PITPNC1: variants seen among roughly 807,000 people sequenced by gnomAD.
PITPNC1 encodes cytoplasmic phosphatidylinositol transfer protein 1.
A neutral mutation model predicts 44.7 loss-of-function variants in PITPNC1; 18 were observed. That is an observed-to-expected ratio of 0.40 (90% confidence interval 0.28 to 0.60). The LOEUF (loss-of-function observed/expected upper bound fraction) is 0.60. Ranked by LOEUF, PITPNC1 falls within the 20% of genes least tolerant of loss-of-function variation. PITPNC1 has a pLI of 0.39. For missense variants in PITPNC1, 290 were observed against 418.4 expected (o/e 0.69, Z 2.68); for synonymous variants, 141 against 149.6 (o/e 0.94, Z 0.42).
intron 5 of PITPNC1, among the ~76,000 whole-genome samples, chr17:67,616,298 GC>G (rs1290202655): frequency 6.6e-6 from 1 of 152,006 alleles, no homozygotes; most frequent in Non-Finnish European, 1.5e-5. Context: ...GCACTACCAC[GC>G]CCAGCAAATT....
Position 67,569,465 on chromosome 17 carries a change from A to C in PITPNC1, c.295-8721A>C, listed in dbSNP as rs529613836. On this transcript the variant is annotated intron_variant, in intron 4 of 8. Coordinates refer to ENST00000581322, the MANE Select transcript of PITPNC1 (RefSeq NM_012417.4). ...CTGCAGATCCACCCGTCACTTCCAAAAGCTACAAGTAGCTGCATTTAAATG... is the reference window on the plus strand; with the variant it reads ...CTGCAGATCCACCCGTCACTTCCAACAGCTACAAGTAGCTGCATTTAAATG... 1.6e-4 allele frequency among the ~76,000 whole-genome samples: 24 copies of C among 152,190 alleles called. No homozygotes were observed. The South Asian group carries it at 5.0e-3, about 32-fold the overall frequency.
chr17:67,411,135 G>A (rs2038490340), intron 1 of PITPNC1, among the ~76,000 whole-genome samples: 1 of 151,506 alleles, frequency 6.6e-6, no homozygotes, highest in Admixed American at 6.6e-5. Context: ...AATGGGAGGT[G>A]GGAGTGCTTC....
At chr17:67,559,201 G>C (rs1238369497) in intron 4 of PITPNC1, among the ~76,000 whole-genome samples, 1 of 152,158 alleles carries the variant, frequency 6.6e-6, no homozygotes, top group East Asian at 1.9e-4. Context: ...TCCCAGCCAA[G>C]GGGCAGTACA....
intron 1 of PITPNC1, among the ~76,000 whole-genome samples, chr17:67,406,946 G>A (rs2038410278): frequency 6.6e-6 from 1 of 152,158 alleles, no homozygotes; most frequent in South Asian, 2.1e-4. Context: ...CATTTGGGTT[G>A]TTTCCAGTTT....
rs1386913767 is a variant in PITPNC1, at chr17:67,676,148, A to T, written c.682+606A>T. Among the ~76,000 whole-genome samples the T allele has an allele frequency of 6.6e-6, 1 of 151,466 alleles. No homozygotes were observed. Among genetic ancestry groups the T allele is most frequent in the Non-Finnish European group, 1.5e-5 (1 of 67,892 alleles). On this transcript the variant is annotated intron_variant, in intron 8 of 8. Coordinates refer to ENST00000581322, the MANE Select transcript of PITPNC1 (RefSeq NM_012417.4). This position sits in a 1 kb window ranked among gnomAD's most constrained non-coding sequence, Gnocchi z 4.0. ...CATGAACCTGGGAGGCGGAGTTTGC[A>T]GTGAGCCGAGATCGCACCACTGCAC...
chr17:67,408,036 A>G (rs1354253673), intron 1 of PITPNC1, among the ~76,000 whole-genome samples: 1 of 151,006 alleles, frequency 6.6e-6, no homozygotes, highest in African/African-American at 2.4e-5. Context: ...ATTGAACGCA[A>G]CCTCCGCCTC....
At chr17:67,537,791 G>A (rs562372521) in intron 2 of PITPNC1, among the ~76,000 whole-genome samples, 1 of 141,314 alleles carries the variant, frequency 7.1e-6, no homozygotes, top group South Asian at 2.4e-4. Flanking sequence ...CTAATATGGT[G>A]GAACCCCGTC....
chr17:67,450,917 T>C (rs1239127449), intron 1 of PITPNC1, among the ~76,000 whole-genome samples: 1 of 152,226 alleles, frequency 6.6e-6, no homozygotes, highest in East Asian at 1.9e-4. Context: ...CTCTATGAAT[T>C]GGCCTATTCT....
rs537810370 is a variant in PITPNC1, at chr17:67,618,916, G to A, written c.367-13227G>A. Among the ~76,000 whole-genome samples, 11 of 152,042 alleles carry A rather than the reference G, an allele frequency of 7.2e-5. No individual in the cohort carries two copies. The East Asian group carries it at 1.2e-3, about 16-fold the overall frequency. ...CTACTAAAAATACAAAAAAGTAGCC[G>A]GGCATGGTGGCAGGTGCTTGTAGTC... On this transcript the variant is annotated intron_variant, in intron 5 of 8. Coordinates refer to ENST00000581322, the MANE Select transcript of PITPNC1 (RefSeq NM_012417.4).
At chr17:67,490,816 C>A (rs1306361956) in intron 1 of PITPNC1, among the ~76,000 whole-genome samples, 1 of 152,132 alleles carries the variant, frequency 6.6e-6, no homozygotes, top group African/African-American at 2.4e-5. Context: ...TCTGTCCCCA[C>A]GAAAATAGTA....
rs141917068 is a variant in PITPNC1, at chr17:67,417,480, A to G, written c.48+39278A>G. The stretch of plus-strand genomic sequence containing the variant: ...GAGCCCACCATGGTGTCAGCAAGGA[A>G]AGAGAGGCAGAGGTAATTTAACCTA... On this transcript the variant is annotated intron_variant, in intron 1 of 8. Transcript: ENST00000581322. Among the ~76,000 whole-genome samples the G allele has an allele frequency of 3.0e-3, 460 of 152,266 alleles. 3 individuals are homozygous for G. Among genetic ancestry groups the G allele is most frequent in the African/African-American group, 0.011 (440 of 41,552 alleles).
chr17:67,619,366 A>G (rs1295124672), intron 5 of PITPNC1, among the ~76,000 whole-genome samples: 2 of 152,164 alleles, frequency 1.3e-5, no homozygotes, highest in African/African-American at 2.4e-5. Flanking sequence ...TCGGAAAAGA[A>G]TCAGGCAAGC....
intron 1 of PITPNC1, among the ~76,000 whole-genome samples, chr17:67,437,367 A>G (rs1052480081): frequency 6.6e-6 from 1 of 152,236 alleles, no homozygotes; most frequent in South Asian, 2.1e-4. Context: ...AGCCCCTTGA[A>G]CATGGAGGCA....
At chr17:67,503,318 A>AG (rs1409115457) in intron 1 of PITPNC1, among the ~76,000 whole-genome samples, 1 of 151,946 alleles carries the variant, frequency 6.6e-6, no homozygotes, top group Non-Finnish European at 1.5e-5. Flanking sequence ...TAGAAAAAAA[A>AG]TGATATCACT....
chr17:67,425,316 T>G (rs567031071), intron 1 of PITPNC1, among the ~76,000 whole-genome samples: 1 of 149,622 alleles, frequency 6.7e-6, no homozygotes, highest in Non-Finnish European at 1.5e-5. Flanking sequence ...ATCACCATGG[T>G]ATGGGAGAAT....
intron 1 of PITPNC1, among the ~76,000 whole-genome samples, chr17:67,441,608 C>T (rs1008029033): frequency 2.0e-5 from 3 of 152,116 alleles, no homozygotes; most frequent in African/African-American, 4.8e-5. Context: ...TCTTCTAATC[C>T]GATCACAGCT....
chr17:67,599,045 T>A (rs2041508094), intron 5 of PITPNC1, among the ~76,000 whole-genome samples: 1 of 124,032 alleles, frequency 8.1e-6, no homozygotes, highest in Non-Finnish European at 1.7e-5. Context: ...TTTTTTTTTT[T>A]TTTTTTTTTA....
rs143894802 is a variant in PITPNC1, at chr17:67,483,436, T to C, written c.49-49366T>C. 2.5e-3 allele frequency among the ~76,000 whole-genome samples: 380 copies of C among 152,346 alleles called. 1 individual carries two copies. The highest frequency in any genetic ancestry group is 8.5e-3 in the African/African-American group (354 of 41,566). On this transcript the variant is annotated intron_variant, in intron 1 of 8. Transcript: ENST00000581322. Reference sequence around the variant, plus strand: ...AGAGTTCTGAGTGTTGGATTTTCACTGTGACAACAAAAATAAAATATTTCC... The same window carrying C: ...AGAGTTCTGAGTGTTGGATTTTCACCGTGACAACAAAAATAAAATATTTCC...
intron 5 of PITPNC1, among the ~76,000 whole-genome samples, chr17:67,583,158 T>G: frequency 6.6e-6 from 1 of 152,068 alleles, no homozygotes; most frequent in East Asian, 1.9e-4. Flanking sequence ...AACACCAAAT[T>G]CTCCAGCTGG....
Sources: gnomAD v4.1 joint callset for allele counts (sites outside exome capture counted in the v4.1 genomes callset) on GRCh38, gnomAD v4.1.1 for gene constraint, Gnocchi (gnomAD v3.1) non-coding constraint, MANE v1.5 for transcripts, NCBI Gene and HGNC (gene_info 2026-07-23, HGNC 2026-07-21) for gene names.